Variants in KANSL1 observed in about 807,000 individuals in gnomAD.
The protein encoded by KANSL1 is KAT8 regulatory NSL complex subunit 1.
A neutral mutation model predicts 103.6 loss-of-function variants in KANSL1; 22 were observed. That is an observed-to-expected ratio of 0.21 (90% CI 0.15 to 0.30). The LOEUF (loss-of-function observed/expected upper bound fraction) is 0.30, where lower values mean the gene tolerates loss of function less well. Ranked by LOEUF, KANSL1 falls within the 10% of genes least tolerant of loss-of-function variation. The pLI is 1.00. For missense variants in KANSL1, 1,337 were observed against 1,399.8 expected (o/e 0.96, Z 0.72); for synonymous variants, 600 against 527.6 (o/e 1.14, Z -1.88).
At chr17:46,163,124 TATGTA>T (rs2045829128) in intron 2 of KANSL1, among the ~76,000 whole-genome samples, 1 of 152,256 alleles carries the variant, frequency 6.6e-6, no homozygotes, top group Non-Finnish European at 1.5e-5. Context: ...ATATATCATC[TATGTA>T]ATTACCCGCT....
intron 3 of KANSL1, among the ~76,000 whole-genome samples, chr17:46,084,242 C>T (rs952924845): frequency 1.3e-5 from 2 of 152,022 alleles, no homozygotes; most frequent in African/African-American, 2.4e-5. Context: ...ATTGCCCAGG[C>T]GTCGTGGCAC....
Position 46,127,454 on chromosome 17 carries a change from C to T in KANSL1, c.1290-32753G>A, listed in dbSNP as rs547252326. ...TTCTGGTTTTTACCAGATCCCGCTC[C>T]GGCAACAACAAAAAAAGAAACAGTT... On this transcript the variant is annotated intron_variant, in intron 2 of 14. Transcript: ENST00000432791. Among the ~76,000 whole-genome samples, 5 of 152,306 alleles carry T rather than the reference C, an allele frequency of 3.3e-5. No homozygotes were observed. The East Asian group carries it at 9.6e-4, about 29-fold the overall frequency.
chr17:46,206,101 A>G (rs1433902277), intron 1 of KANSL1, among the ~76,000 whole-genome samples: 1 of 151,942 alleles, frequency 6.6e-6, no homozygotes, highest in Admixed American at 6.6e-5. Flanking sequence ...AAAAAAAAAA[A>G]AAAAGGAAAG....
chr17:46,213,666 C>T (rs1249220397), intron 1 of KANSL1, among the ~76,000 whole-genome samples: 2 of 151,512 alleles, frequency 1.3e-5, no homozygotes, highest in African/African-American at 4.9e-5. Flanking sequence ...CCTGTAATCC[C>T]AGTACTTTGT....
chr17:46,043,941 T>C (rs2077412244), intron 7 of KANSL1: 1 of 151,666 alleles, frequency 6.6e-6, no homozygotes, highest in African/African-American at 2.4e-5. Flanking sequence ...GCCTTTTAAT[T>C]GCTTCCATGT....
At chr17:46,193,816 G>A (rs889045547), upstream of KANSL1, 54 of 166,094 alleles carry the variant, frequency 3.3e-4, no homozygotes, top group Admixed American at 1.2e-3. Context: ...CAGTTGAGGG[G>A]CAGGGCGGGC....
chr17:46,088,039 T>C (rs1447085670), intron 3 of KANSL1, among the ~76,000 whole-genome samples: 2 of 152,120 alleles, frequency 1.3e-5, no homozygotes, highest in Non-Finnish European at 2.9e-5. Flanking sequence ...AAGAAAAAGG[T>C]CAAGAGTCTC....
At chr17:46,069,718 T>A (rs1042769190) in intron 4 of KANSL1, among the ~76,000 whole-genome samples, 2 of 151,614 alleles carry the variant, frequency 1.3e-5, no homozygotes, top group East Asian at 3.9e-4. Flanking sequence ...CACTGCAGCC[T>A]GGGAAAGAGA....
chr17:46,099,529 TA>T (rs990840085), intron 2 of KANSL1, among the ~76,000 whole-genome samples: 4 of 152,158 alleles, frequency 2.6e-5, no homozygotes, highest in Admixed American at 6.5e-5. Context: ...AACACAGGAC[TA>T]AGGTTGCAGA....
chr17:46,073,948 A>G (rs2146730584), intron 4 of KANSL1, among the ~76,000 whole-genome samples: 1 of 152,218 alleles, frequency 6.6e-6, no homozygotes, highest in South Asian at 2.1e-4. Context: ...GTATGAACTT[A>G]CGGTTTTTTA....
chr17:46,055,837 T>C (rs2077906384), intron 6 of KANSL1, among the ~76,000 whole-genome samples: 2 of 152,208 alleles, frequency 1.3e-5, no homozygotes, highest in Admixed American at 6.5e-5. Context: ...TGACAGTTTA[T>C]TGTTTAACTA....
chr17:46,103,319 G>T (rs1420410970), intron 2 of KANSL1, among the ~76,000 whole-genome samples: 4 of 152,126 alleles, frequency 2.6e-5, no homozygotes, highest in Non-Finnish European at 5.9e-5. Flanking sequence ...AACTTTTGGC[G>T]AATCCTACCT....
At chr17:46,214,931 A>C (rs1052552326) in intron 1 of KANSL1, 9 of 152,298 alleles carry the variant, frequency 5.9e-5, no homozygotes, top group African/African-American at 1.7e-4. Flanking sequence ...TATTTATCAG[A>C]ATAAAAATGT....
intron 2 of KANSL1, among the ~76,000 whole-genome samples, chr17:46,124,558 T>C (rs1215794021): frequency 1.3e-5 from 2 of 152,220 alleles, no homozygotes; most frequent in Non-Finnish European, 2.9e-5. Flanking sequence ...ATACATTCTG[T>C]AAGGCTATAG....
At chr17:46,124,314 A>C (rs55672516) in intron 2 of KANSL1, among the ~76,000 whole-genome samples, 21,633 of 152,042 alleles carry the variant, frequency 0.14, 2,096 homozygotes, top group Non-Finnish European at 0.22. Context: ...AGGATGTCAG[A>C]ACATCTGTTG....
rs138856470 is a variant in KANSL1, at chr17:46,052,390, A to C, written c.1849-1686T>G. On this transcript the variant is annotated intron_variant, in intron 6 of 14. Transcript: ENST00000432791. ...GAGGCCAAGGCGGGTGGATCACTTG[A>C]GGTCAGGAGTTTGAGACTAGCCTGG... 1.4e-3 allele frequency among the ~76,000 whole-genome samples: 218 copies of C among 152,272 alleles called. 1 individual carries two copies. Among genetic ancestry groups the C allele is most frequent in the African/African-American group, 5.1e-3 (210 of 41,548 alleles).
intron 1 of KANSL1, among the ~76,000 whole-genome samples, chr17:46,201,740 G>A (rs1179877298): frequency 1.3e-5 from 2 of 151,680 alleles, no homozygotes; most frequent in African/African-American, 2.4e-5. Flanking sequence ...CAGGTACAGT[G>A]GCTCAGGCCT....
At chr17:46,183,848 G>A (rs887678589) in intron 1 of KANSL1, among the ~76,000 whole-genome samples, 12 of 152,262 alleles carry the variant, frequency 7.9e-5, no homozygotes, top group South Asian at 4.1e-4. Context: ...GGGAGGCAGC[G>A]GCTGCAGTGA....
chr17:46,065,358 C>T (rs558381356), intron 6 of KANSL1, among the ~76,000 whole-genome samples: 1 of 152,206 alleles, frequency 6.6e-6, no homozygotes, highest in South Asian at 2.1e-4. Flanking sequence ...ATAGGGTAAG[C>T]ACTTTTGTCT....
Sources: allele counts gnomAD v4.1 joint callset (sites outside exome capture counted in the v4.1 genomes callset), GRCh38; gene constraint gnomAD v4.1.1; transcripts MANE v1.5; gene names NCBI Gene and HGNC (gene_info 2026-07-23, HGNC 2026-07-21).